The following KLHL8 variants were observed in gnomAD, a reference collection of about 807,000 sequenced individuals.
KLHL8 encodes kelch like family member 8, also known as kelch-like protein 8.
A neutral mutation model predicts 63.5 loss-of-function variants in KLHL8; 38 were observed. The ratio of observed to expected loss-of-function variants is 0.60; its 90% CI spans 0.46 to 0.78. KLHL8 has a LOEUF of 0.78. Among genes scored for constraint, KLHL8 ranks in the 30% least tolerant of loss-of-function variants. KLHL8 has a pLI of 0.00. For missense variants in KLHL8, 566 were observed against 752.4 expected, an observed-to-expected ratio of 0.75 and a Z score of 2.90; for synonymous variants, 224 against 254.3, an observed-to-expected ratio of 0.88 and a Z score of 1.13.
At chr4:87,212,695 T>C (rs530381492) in intron 1 of KLHL8, among the ~76,000 whole-genome samples, 1 of 152,346 alleles carries the variant, frequency 6.6e-6, no homozygotes, top group Admixed American at 6.5e-5. Context: ...GCATAGATGA[T>C]AGTCTCATAA....
At chr4:87,218,566 C>T (rs1732693114) in intron 1 of KLHL8, among the ~76,000 whole-genome samples, 1 of 152,090 alleles carries the variant, frequency 6.6e-6, no homozygotes, top group Non-Finnish European at 1.5e-5. Flanking sequence ...AAAAATAACC[C>T]TCACTGAATG....
intron 1 of KLHL8, among the ~76,000 whole-genome samples, chr4:87,230,173 T>C (rs938307484): frequency 6.6e-6 from 1 of 152,126 alleles, no homozygotes; most frequent in African/African-American, 2.4e-5. Flanking sequence ...GAGAGGAAGC[T>C]GTATGTAGAG....
chr4:87,206,640 T>C (rs1283878317), intron 1 of KLHL8, among the ~76,000 whole-genome samples: 2 of 152,210 alleles, frequency 1.3e-5, no homozygotes, highest in East Asian at 3.8e-4. Flanking sequence ...ATTAAGTCCA[T>C]TCTTTTTCTA....
In KLHL8 at chr4:87,204,533, T is replaced by G. The variant is rs1285990273; in HGVS notation, c.-151-8843A>C. On this transcript the variant is annotated intron_variant, in intron 1 of 9. Coordinates refer to ENST00000273963, the MANE Select transcript of KLHL8 (RefSeq NM_020803.5). ...ATATGAAAACATATAGCAGCTCTAG[T>G]TGCAATTGCTAAAAACTGAAAATAA... Among the ~76,000 whole-genome samples, 3 of 152,248 alleles carry G rather than the reference T, an allele frequency of 2.0e-5. No homozygotes were observed. The South Asian group carries it at 6.2e-4, about 31-fold the overall frequency.
At chr4:87,165,622 C>G (rs1730368742) in intron 8 of KLHL8, among the ~76,000 whole-genome samples, 1 of 151,828 alleles carries the variant, frequency 6.6e-6, no homozygotes, top group Non-Finnish European at 1.5e-5. Flanking sequence ...GTTTTGAACT[C>G]CTGGCCTCAA....
chr4:87,189,601 G>A (rs1162386810), intron 2 of KLHL8, among the ~76,000 whole-genome samples: 3 of 151,896 alleles, frequency 2.0e-5, no homozygotes, highest in Non-Finnish European at 2.9e-5. Flanking sequence ...ATCATGGCTC[G>A]AGTGCCACTT....
At chr4:87,165,143 CTG>C (rs1730346692) in intron 8 of KLHL8, among the ~76,000 whole-genome samples, 1 of 109,504 alleles carries the variant, frequency 9.1e-6, no homozygotes, top group Admixed American at 1.2e-4. Context: ...GAGCAAGACT[CTG>C]TCTCAAAAAA....
At chr4:87,165,560 A>T (rs933994579) in intron 8 of KLHL8, among the ~76,000 whole-genome samples, 1 of 142,470 alleles carries the variant, frequency 7.0e-6, no homozygotes, top group Admixed American at 7.7e-5. Context: ...CTCCTGGCTA[A>T]TTTTTTTTTT....
intron 2 of KLHL8, among the ~76,000 whole-genome samples, chr4:87,191,416 T>A (rs1470838189): frequency 2.0e-5 from 3 of 152,118 alleles, no homozygotes; most frequent in African/African-American, 7.2e-5. Context: ...GACCCATGAC[T>A]GCATCACTGT....
At chr4:87,199,926 T>C (rs1731844137) in intron 1 of KLHL8, among the ~76,000 whole-genome samples, 1 of 151,672 alleles carries the variant, frequency 6.6e-6, no homozygotes, top group Non-Finnish European at 1.5e-5. Context: ...CGAGGATTGT[T>C]TGAGCCCCAG....
chr4:87,226,906 A>ATT (rs1214704425), intron 1 of KLHL8, among the ~76,000 whole-genome samples: 5 of 18,196 alleles, frequency 2.7e-4, no homozygotes, highest in African/African-American at 1.0e-3. Flanking sequence ...AATAATATAT[A>ATT]ATATATAAAT....
intron 2 of KLHL8, among the ~76,000 whole-genome samples, chr4:87,193,573 C>T (rs779856362): frequency 6.6e-6 from 1 of 152,088 alleles, no homozygotes; most frequent in Non-Finnish European, 1.5e-5. Flanking sequence ...CAAGAGTACA[C>T]TCTACAAAAA....
At chr4:87,239,976 C>T (rs1312727198) in intron 1 of KLHL8, among the ~76,000 whole-genome samples, 1 of 152,124 alleles carries the variant, frequency 6.6e-6, no homozygotes, top group Non-Finnish European at 1.5e-5. Flanking sequence ...ATCTGGTAGG[C>T]ACTGATGGAA....
rs757846427 is a variant in KLHL8 at position 87,164,022 on chromosome 4, T to C, written c.1595A>G (p.Asn532Ser). 1 of 1,614,234 alleles carries C rather than the reference T, an allele frequency of 6.2e-7. No individual in the cohort carries two copies. Among genetic ancestry groups the C allele is most frequent in the South Asian group, 1.1e-5 (1 of 91,086 alleles). ...AAGTGCTGCCACATAATCCCACTTG[T>C]TGCTTCGGGGGTCATACCGCTCAAC... is the stretch of plus-strand genomic sequence containing the variant. ...SSVERYDPRS[N>S]KWDYVAALTT... Residue 532 changes from asparagine (N) to serine (S), a missense_variant, in exon 9 of 10, where the codon AAC becomes AGC. Physicochemically the swap from Asn to Ser is conservative, Grantham distance 46. Transcript: ENST00000273963.
intron 8 of KLHL8, among the ~76,000 whole-genome samples, chr4:87,165,086 C>T (rs920068752): frequency 2.8e-5 from 4 of 140,528 alleles, no homozygotes; most frequent in African/African-American, 1.1e-4. Flanking sequence ...GAGGCGGACG[C>T]TTGCAGTGAG....
chr4:87,182,036 G>C (rs530125504), intron 4 of KLHL8, among the ~76,000 whole-genome samples: 1 of 151,956 alleles, frequency 6.6e-6, no homozygotes, highest in Non-Finnish European at 1.5e-5. Flanking sequence ...AGACCATCCT[G>C]GCTAACACGG....
chr4:87,176,506 A>T (rs1730821381), intron 6 of KLHL8, among the ~76,000 whole-genome samples: 1 of 152,210 alleles, frequency 6.6e-6, no homozygotes, highest in Non-Finnish European at 1.5e-5. Flanking sequence ...TAAAATGTTT[A>T]AAAAAATCAA....
At position 87,162,139 on chromosome 4, in the gene KLHL8, G is replaced by A. The variant is rs1001150235; in HGVS notation, c.*1380C>T. 3.3e-5 allele frequency: 5 copies of A among 152,004 alleles called. No homozygotes were observed. Among genetic ancestry groups the A allele is most frequent in the South Asian group, 4.1e-4 (2 of 4,822 alleles). The allele number at this position is 152,004 out of a possible 1,614,324, so 9.4% of individuals were successfully genotyped here. A position where few individuals can be genotyped will look rare whatever the true frequency, so the allele number is the denominator to read the frequency against. ...CTTATGAACCAGATTACTGACCAGC[G>A]GTGAACTACAATAAATTCGAAGACA... On this transcript the variant is annotated 3_prime_UTR_variant, in exon 10 of 10. Transcript: ENST00000273963.
chr4:87,226,328 C>A (rs1732973484), intron 1 of KLHL8, among the ~76,000 whole-genome samples: 1 of 151,864 alleles, frequency 6.6e-6, no homozygotes, highest in African/African-American at 2.4e-5. Flanking sequence ...TTTGGGAAGC[C>A]AAGGTGGGTG....
Sources: gnomAD v4.1 joint callset for allele counts (sites outside exome capture counted in the v4.1 genomes callset) on GRCh38, gnomAD v4.1.1 for gene constraint, MANE v1.5 for transcripts, NCBI Gene and HGNC (gene_info 2026-07-23, HGNC 2026-07-21) for gene names.